The following BCAS3 variants were observed in gnomAD, a reference collection of about 807,000 sequenced individuals.
BCAS3 encodes BCAS4/BCAS3 fusion.
In BCAS3, 53 loss-of-function variants were observed where a neutral mutation model predicts 116.1. That is an observed-to-expected ratio of 0.46 (90% CI 0.37 to 0.57). The LOEUF (loss-of-function observed/expected upper bound fraction) is 0.57. BCAS3 is among the 20% of genes least tolerant of loss of function. BCAS3 has a pLI of 0.00. For synonymous variants in BCAS3, 391 were observed against 408.2 expected (o/e 0.96, Z 0.51); for missense variants, 917 against 1,165.4 (o/e 0.79, Z 3.10).
chr17:60,800,868 A>G (rs887688321), intron 6 of BCAS3, among the ~76,000 whole-genome samples: 3 of 152,086 alleles, frequency 2.0e-5, no homozygotes, highest in Non-Finnish European at 4.4e-5. Flanking sequence ...AAAGAAAATC[A>G]TTTGGCCATA....
In BCAS3 at chr17:60,947,257, T is replaced by G; in HGVS notation, c.1126T>G (p.Phe376Val). 3 of 1,613,146 alleles carry G rather than the reference T, an allele frequency of 1.9e-6. No individual in the cohort carries two copies. The highest frequency in any genetic ancestry group is 2.5e-6 in the Non-Finnish European group (3 of 1,179,164). ...LVTTDTLGHD[F>V]HVFQILTHPW... ...CACAACAGACACCCTTGGCCATGAC[T>G]TTCATGTCTTCCAAATTCTGACTCA... is the stretch of plus-strand genomic sequence containing the variant. The change falls in exon 14 of 24, where the codon TTT becomes GTT. Residue 376 changes from phenylalanine to valine, a missense_variant. Phe to Val is a conservative substitution (Grantham distance 50, BLOSUM62 -1). Coordinates refer to ENST00000407086, the MANE Select transcript of BCAS3 (RefSeq NM_017679.5).
At chr17:60,911,483 G>T (rs916238741) in intron 12 of BCAS3, among the ~76,000 whole-genome samples, 1 of 152,060 alleles carries the variant, frequency 6.6e-6, no homozygotes, top group Non-Finnish European at 1.5e-5. Flanking sequence ...TTTTTTAGTA[G>T]AGTTGAGTTT....
intron 19 of BCAS3, among the ~76,000 whole-genome samples, chr17:61,045,966 ATATATATATAT>A (rs2068147135): frequency 1.1e-4 from 1 of 8,962 alleles, no homozygotes. Context: ...TATATATATA[ATATATATATAT>A]TATATATATA....
chr17:60,938,954 A>C (rs1006668711), intron 13 of BCAS3, among the ~76,000 whole-genome samples: 1 of 152,214 alleles, frequency 6.6e-6, no homozygotes, highest in Non-Finnish European at 1.5e-5. Context: ...TGGTGAAGTT[A>C]TGGAGCTTGT....
At position 61,124,192 on chromosome 17, in the gene BCAS3, A is replaced by G. The variant is rs1383659913; in HGVS notation, c.2425+39628A>G. ...GTTTATTTAACACCAATGGTTTCCT[A>G]TTGGCTTCTTTAGCTGGAAAAATTA... On this transcript the variant is annotated intron_variant, in intron 22 of 23. Transcript: ENST00000407086. This position sits in a 1 kb window ranked among gnomAD's most constrained non-coding sequence, Gnocchi z 4.6. Among the ~76,000 whole-genome samples the G allele has an allele frequency of 6.6e-6, 1 of 152,026 alleles. No homozygotes were observed. Among genetic ancestry groups the G allele is most frequent in the African/African-American group, 2.4e-5 (1 of 41,400 alleles).
chr17:61,102,880 T>C (rs189200255), intron 22 of BCAS3, among the ~76,000 whole-genome samples: 5 of 152,248 alleles, frequency 3.3e-5, no homozygotes, highest in Admixed American at 6.5e-5. Flanking sequence ...ATATTTCCTT[T>C]CTGTCTGTCC....
At chr17:61,090,890 C>T (rs2073502112) in intron 22 of BCAS3, among the ~76,000 whole-genome samples, 1 of 152,060 alleles carries the variant, frequency 6.6e-6, no homozygotes, top group Non-Finnish European at 1.5e-5. Flanking sequence ...CTCCTGACCT[C>T]GCGATCCACA....
intron 14 of BCAS3, among the ~76,000 whole-genome samples, chr17:60,973,170 T>G (rs1047412602): frequency 6.6e-6 from 1 of 152,192 alleles, no homozygotes; most frequent in African/African-American, 2.4e-5. Flanking sequence ...TTTTTTGCTC[T>G]TTCCCTCATG....
chr17:61,267,778 A>G (rs2049876337), intron 22 of BCAS3, among the ~76,000 whole-genome samples: 1 of 151,814 alleles, frequency 6.6e-6, no homozygotes, highest in African/African-American at 2.4e-5. Context: ...TGAAACATGG[A>G]ATTTTCCAGA....
At chr17:61,194,740 C>CAAAAA (rs35551914) in intron 22 of BCAS3, among the ~76,000 whole-genome samples, 6 of 122,882 alleles carry the variant, frequency 4.9e-5, no homozygotes, top group African/African-American at 2.0e-4. Context: ...GACTCTGTCT[C>CAAAAA]AAAAAAAAAA....
At chr17:60,822,096 A>G (rs1699872923) in intron 7 of BCAS3, among the ~76,000 whole-genome samples, 1 of 152,218 alleles carries the variant, frequency 6.6e-6, no homozygotes, top group Non-Finnish European at 1.5e-5. Flanking sequence ...CCGTATAGAC[A>G]TACATATTTC....
intron 7 of BCAS3, among the ~76,000 whole-genome samples, chr17:60,839,894 C>T (rs1011826495): frequency 2.6e-5 from 4 of 151,918 alleles, no homozygotes; most frequent in African/African-American, 7.3e-5. Context: ...TACTTTGTTC[C>T]GCTTTTCCTA....
At chr17:60,861,930 G>T (rs1007148009) in intron 7 of BCAS3, among the ~76,000 whole-genome samples, 1 of 152,142 alleles carries the variant, frequency 6.6e-6, no homozygotes, top group Admixed American at 6.6e-5. Context: ...GTTCATCAGG[G>T]ATATTGGCCT....
intron 22 of BCAS3, among the ~76,000 whole-genome samples, chr17:61,295,059 G>A (rs935343105): frequency 4.6e-5 from 7 of 152,220 alleles, no homozygotes; most frequent in Non-Finnish European, 1.0e-4. Flanking sequence ...GACAAGCTGA[G>A]AATCGCACCT....
chr17:60,893,734 G>A lies in BCAS3; in HGVS notation c.738+3963G>A, dbSNP rs566365717. Among the ~76,000 whole-genome samples, 20 of 149,718 alleles carry A rather than the reference G, an allele frequency of 1.3e-4. No homozygotes were observed. The East Asian group carries it at 3.9e-3, about 29-fold the overall frequency. On this transcript the variant is annotated intron_variant, in intron 10 of 23. Coordinates refer to ENST00000407086, the MANE Select transcript of BCAS3 (RefSeq NM_017679.5). ...AGTGATTCTTTCACCTCAGACTCCTGAGTAGCCGGGACTATAGGCACATGC... is the reference window on the plus strand; with the variant it reads ...AGTGATTCTTTCACCTCAGACTCCTAAGTAGCCGGGACTATAGGCACATGC...
At chr17:61,044,876 A>G (rs959939038) in intron 19 of BCAS3, among the ~76,000 whole-genome samples, 2 of 151,386 alleles carry the variant, frequency 1.3e-5, no homozygotes, top group East Asian at 1.9e-4. Flanking sequence ...GGTTCACGCA[A>G]TTCCCCTCCC....
At position 61,082,079 on chromosome 17, in the gene BCAS3, C is replaced by G. The variant is rs1000070721; in HGVS notation, c.2328-2388C>G. Among the ~76,000 whole-genome samples, 3 of 152,182 alleles carry G rather than the reference C, an allele frequency of 2.0e-5. No individual in the cohort carries two copies. Among genetic ancestry groups the G allele is most frequent in the Non-Finnish European group, 2.9e-5 (2 of 68,024 alleles). On this transcript the variant is annotated intron_variant, in intron 21 of 23. Coordinates refer to ENST00000407086, the MANE Select transcript of BCAS3 (RefSeq NM_017679.5). This position sits in a 1 kb window ranked among gnomAD's most constrained non-coding sequence, Gnocchi z 5.1. ...AAGGGAATCAGGCAAGCTCCCTACA[C>G]AGAGCAGGTGTTTAAAAAGAATGGG...
Position 61,037,948 on chromosome 17 carries a change from G to C in BCAS3, c.1822G>C (p.Val608Leu). 2 of 1,614,060 alleles carry C rather than the reference G, an allele frequency of 1.2e-6. No homozygotes were observed. The highest frequency in any genetic ancestry group is 1.3e-5 in the African/African-American group (1 of 75,038). Residue 608 changes from valine to leucine, a missense_variant, in exon 18 of 24, where the codon GTG (valine) becomes CTG (leucine). Around this residue, in one of 3 missense-constraint regions of BCAS3, gnomAD observed 807 missense variants for 1,026.0 expected, o/e 0.79. Transcript: ENST00000407086. The surrounding 1 kb of genome is among the most constrained non-coding windows in gnomAD (Gnocchi z 4.7). ...CATTATCAGTTGCTATGGCACCTTA[G>C]TGGAACACATGATGGAGCCGCGACC... is the stretch of plus-strand genomic sequence containing the variant. ...LYIISCYGTLVEHMMEPRPLS... is the reference protein window; with the variant it reads ...LYIISCYGTLLEHMMEPRPLS...
intron 22 of BCAS3, among the ~76,000 whole-genome samples, chr17:61,123,985 C>T (rs1486765572): frequency 6.6e-6 from 1 of 152,008 alleles, no homozygotes; most frequent in Non-Finnish European, 1.5e-5. Flanking sequence ...ATCTTCAAAC[C>T]AGTTCTAATC....
Sources: gnomAD v4.1 joint callset for allele counts (sites outside exome capture counted in the v4.1 genomes callset) on GRCh38, gnomAD v4.1.1 for gene constraint, gnomAD v4.1.1 regional missense constraint, Gnocchi (gnomAD v3.1) non-coding constraint, MANE v1.5 for transcripts, NCBI Gene and HGNC (gene_info 2026-07-23, HGNC 2026-07-21) for gene names.